CDC42EP4: variants seen among roughly 807,000 people sequenced by gnomAD.
CDC42EP4 encodes the protein CDC42 effector protein 4, also known as CDC42 effector protein (Rho GTPase binding) 4.
CDC42EP4 carries 6 observed loss-of-function variants against 5.6 expected under a neutral mutation model. That is an observed-to-expected ratio of 1.07 (90% CI 0.59 to 2.12). The LOEUF (loss-of-function observed/expected upper bound fraction) is 2.12, where lower values mean the gene tolerates loss of function less well. Ranked by LOEUF, CDC42EP4 falls within the 30% of genes most tolerant of loss-of-function variation. The pLI, the probability that CDC42EP4 is intolerant of heterozygous loss-of-function variation, is 0.00. For synonymous variants in CDC42EP4, 230 were observed against 224.2 expected (o/e 1.03, Z -0.23); for missense variants, 490 against 508.6 (o/e 0.96, Z 0.35).
Position 73,285,539 on chromosome 17 carries a change from C to T in CDC42EP4, c.962G>A (p.Arg321His), listed in dbSNP as rs780275007. 1.6e-5 allele frequency: 26 copies of T among 1,611,548 alleles called. No individual in the cohort carries two copies. In the Admixed American group the frequency reaches 3.0e-4, roughly 19 times the overall value. Residue 321 changes from arginine to histidine, a missense_variant, in exon 2 of 2, where the codon CGC becomes CAC. By Grantham distance (29) the Arg-to-His change is conservative. Transcript: ENST00000335793. This position sits in a 1 kb window ranked among gnomAD's most constrained non-coding sequence, Gnocchi z 6.8. ...SSCTSGILEE[R>H]SPAFRGPDRA... ...GTCCGGCCCCCGGAAGGCAGGGCTGCGCTCCTCCAGGATGCCTGAGGTGCA... is the reference window on the plus strand; with the variant it reads ...GTCCGGCCCCCGGAAGGCAGGGCTGTGCTCCTCCAGGATGCCTGAGGTGCA...
At chr17:73,291,321 T>C (rs531495502) in intron 1 of CDC42EP4, among the ~76,000 whole-genome samples, 2 of 152,266 alleles carry the variant, frequency 1.3e-5, no homozygotes, top group East Asian at 3.9e-4. Context: ...GGGGCTGCAG[T>C]ACCTGGCAGT....
chr17:73,286,216 C>A lies in CDC42EP4; in HGVS notation c.285G>T (p.Gly95=), dbSNP rs267605032. 4 of 1,614,204 alleles carry A rather than the reference C, an allele frequency of 2.5e-6. No individual in the cohort carries two copies. The highest frequency in any genetic ancestry group is 2.2e-5 in the East Asian group (1 of 44,882). Residue 95 remains glycine (G), a synonymous_variant, in exon 2 of 2, where the codon GGG becomes GGT. Transcript: ENST00000335793. This position sits in a 1 kb window ranked among gnomAD's most constrained non-coding sequence, Gnocchi z 7.7. ...GSKRSQSVTR[G]EREQRDMLGS... ...CCAGCATGTCACGCTGCTCCCGCTC[C>A]CCCCTGGTCACCGACTGTGACCGCT...
intron 1 of CDC42EP4, among the ~76,000 whole-genome samples, chr17:73,288,087 T>A (rs960200841): frequency 2.6e-5 from 4 of 152,116 alleles, no homozygotes; most frequent in East Asian, 1.9e-4. Context: ...ACACCCAGCA[T>A]CCTTCAGGGC....
intron 1 of CDC42EP4, among the ~76,000 whole-genome samples, chr17:73,309,174 C>T (rs902423560): frequency 6.6e-6 from 1 of 151,394 alleles, no homozygotes; most frequent in Non-Finnish European, 1.5e-5. Context: ...ATGGTGAAAC[C>T]CCACCTCTAC....
intron 1 of CDC42EP4, among the ~76,000 whole-genome samples, chr17:73,309,038 CAA>C (rs57714877): frequency 1.0e-3 from 35 of 34,012 alleles, no homozygotes; most frequent in East Asian, 6.6e-3. Flanking sequence ...GCTCTGTCTC[CAA>C]AAAAAAAAAA....
chr17:73,311,715 G>T (rs1011140080), intron 1 of CDC42EP4, among the ~76,000 whole-genome samples, 178 bp downstream of exon 1: 1 of 152,168 alleles, frequency 6.6e-6, no homozygotes, highest in Admixed American at 6.5e-5. Flanking sequence ...CGGTGGGCGC[G>T]GTGAAAAGCG....
At chr17:73,309,079 C>CTCATACCTG (rs2062260211) in intron 1 of CDC42EP4, among the ~76,000 whole-genome samples, 1 of 130,804 alleles carries the variant, frequency 7.6e-6, no homozygotes, top group Admixed American at 8.5e-5. Context: ...GGTGCAGTGG[C>CTCATACCTG]TCATACCTGT....
intron 1 of CDC42EP4, among the ~76,000 whole-genome samples, chr17:73,288,053 C>T (rs1025025273): frequency 4.6e-5 from 7 of 152,176 alleles, no homozygotes; most frequent in Non-Finnish European, 1.0e-4. Context: ...TGGATACAAA[C>T]AGTTCCCCAA....
At chr17:73,306,180 G>A (rs1021518047) in intron 1 of CDC42EP4, among the ~76,000 whole-genome samples, 4 of 152,008 alleles carry the variant, frequency 2.6e-5, no homozygotes, top group Admixed American at 2.0e-4. Context: ...GCCAGACCCC[G>A]GGTGCTACTA....
intron 1 of CDC42EP4, among the ~76,000 whole-genome samples, chr17:73,298,395 G>T (rs1009592618): frequency 1.3e-5 from 2 of 152,206 alleles, no homozygotes; most frequent in African/African-American, 4.8e-5. Flanking sequence ...CTGAGCAGGA[G>T]ATGAGCGATA....
intron 1 of CDC42EP4, among the ~76,000 whole-genome samples, chr17:73,297,495 A>T (rs537962593): frequency 0.047 from 7,190 of 152,108 alleles, 241 homozygotes; most frequent in Non-Finnish European, 0.072. Context: ...ATAAAAATTT[A>T]AAATAAATAG....
intron 1 of CDC42EP4, among the ~76,000 whole-genome samples, chr17:73,301,226 C>T (rs1280933884): frequency 6.6e-6 from 1 of 151,976 alleles, no homozygotes; most frequent in Non-Finnish European, 1.5e-5. Context: ...TCAAAATGTA[C>T]CATTTCCTCT....
At chr17:73,291,280 CACGCAT>C (rs1254824049) in intron 1 of CDC42EP4, among the ~76,000 whole-genome samples, 2 of 152,128 alleles carry the variant, frequency 1.3e-5, no homozygotes, top group African/African-American at 4.8e-5. Flanking sequence ...TAGAGGGAGT[CACGCAT>C]CTGTCCCACT....
chr17:73,301,775 C>A (rs556120488), intron 1 of CDC42EP4, among the ~76,000 whole-genome samples: 7 of 147,836 alleles, frequency 4.7e-5, no homozygotes, highest in Admixed American at 1.4e-4. Flanking sequence ...GGTATCATCT[C>A]AGCTCACTGC....
chr17:73,300,405 G>T (rs771016249), intron 1 of CDC42EP4, among the ~76,000 whole-genome samples: 11 of 152,152 alleles, frequency 7.2e-5, no homozygotes, highest in Non-Finnish European at 1.2e-4. Flanking sequence ...GGAGAGCAGG[G>T]ATCATAGAGT....
intron 1 of CDC42EP4, among the ~76,000 whole-genome samples, chr17:73,302,215 A>G (rs1011683201): frequency 1.3e-4 from 20 of 152,114 alleles, no homozygotes; most frequent in African/African-American, 4.6e-4. Flanking sequence ...CTAAGCAACT[A>G]TATGATTGAA....
At chr17:73,301,118 C>T (rs12451458) in intron 1 of CDC42EP4, among the ~76,000 whole-genome samples, 3,391 of 150,354 alleles carry the variant, frequency 0.023, 61 homozygotes, top group Non-Finnish European at 0.033. Context: ...AAAATACACA[C>T]TGGACTTCTA....
intron 1 of CDC42EP4, among the ~76,000 whole-genome samples, chr17:73,291,001 A>G (rs960478839): frequency 6.6e-6 from 1 of 152,002 alleles, no homozygotes; most frequent in Non-Finnish European, 1.5e-5. Context: ...CATTAGCCAC[A>G]CCACCCAGCA....
rs1368955947 is a variant in CDC42EP4, at chr17:73,284,687, A to G, written c.*743T>C. 6.6e-6 allele frequency: 1 copy of G among 152,212 alleles called. No individual in the cohort carries two copies. The allele number at this position is 152,212 out of a possible 1,614,324, so 9.4% of individuals were successfully genotyped here. Reference sequence around the variant, plus strand: ...ATTGCTCTATAAGGATTTAAACACAATAATAAAGAACAAACAAGCCCCTAG... The same window carrying G: ...ATTGCTCTATAAGGATTTAAACACAGTAATAAAGAACAAACAAGCCCCTAG... On this transcript the variant is annotated 3_prime_UTR_variant, in exon 2 of 2. Coordinates refer to ENST00000335793, the MANE Select transcript of CDC42EP4 (RefSeq NM_012121.5).
Sources: gnomAD v4.1 joint callset for allele counts (sites outside exome capture counted in the v4.1 genomes callset) on GRCh38, gnomAD v4.1.1 for gene constraint, Gnocchi (gnomAD v3.1) non-coding constraint, MANE v1.5 for transcripts, NCBI Gene and HGNC (gene_info 2026-07-23, HGNC 2026-07-21) for gene names.